CDH4: variants seen among roughly 807,000 people sequenced by gnomAD.
CDH4 encodes the protein cadherin 4.
Under a neutral mutation model 86.0 loss-of-function variants are expected in CDH4, and 33 were observed. The observed-to-expected ratio is 0.38, with a 90% CI of 0.29 to 0.51. CDH4 has a LOEUF of 0.51. CDH4 is among the 20% of genes least tolerant of loss of function. CDH4 has a pLI of 0.86. For missense variants in CDH4, 1,114 were observed against 1,307.4 expected, an observed-to-expected ratio of 0.85 and a Z score of 2.28; for synonymous variants, 555 against 549.4, an observed-to-expected ratio of 1.01 and a Z score of -0.14.
Position 61,663,263 on chromosome 20 carries a change from G to A in CDH4, c.170-80300G>A, listed in dbSNP as rs1249481370. On this transcript the variant is annotated intron_variant, in intron 2 of 15. Coordinates refer to ENST00000614565, the MANE Select transcript of CDH4 (RefSeq NM_001794.5). This position sits in a 1 kb window ranked among gnomAD's most constrained non-coding sequence, Gnocchi z 5.0. Reference sequence around the variant, plus strand: ...GAGGAGCTTTCATCGAGGGCTTGGCGCCCACGACAAATGAGTCCACGCAGG... The same window carrying A: ...GAGGAGCTTTCATCGAGGGCTTGGCACCCACGACAAATGAGTCCACGCAGG... Among the ~76,000 whole-genome samples the A allele has an allele frequency of 5.3e-5, 8 of 152,178 alleles. No homozygotes were observed. Among genetic ancestry groups the A allele is most frequent in the African/African-American group, 1.7e-4 (7 of 41,426 alleles).
intron 2 of CDH4, among the ~76,000 whole-genome samples, chr20:61,378,193 G>GC: frequency 6.6e-6 from 1 of 152,216 alleles, no homozygotes; most frequent in Non-Finnish European, 1.5e-5. Context: ...GGTTGAGTCT[G>GC]CAGTGAGCCA....
At position 61,754,610 on chromosome 20, in the gene CDH4, C is replaced by T. The variant is rs574474935; in HGVS notation, c.396+10821C>T. 3.9e-3 allele frequency among the ~76,000 whole-genome samples: 561 copies of T among 142,668 alleles called. 2 individuals are homozygous for T. The highest frequency in any genetic ancestry group is 6.6e-3 in the Non-Finnish European group (448 of 67,878). The allele number at this position is 142,668 out of a possible 152,430, so 93.6% of individuals were successfully genotyped here. On this transcript the variant is annotated intron_variant, in intron 3 of 15. Coordinates refer to ENST00000614565, the MANE Select transcript of CDH4 (RefSeq NM_001794.5). The surrounding 1 kb of genome is among the most constrained non-coding windows in gnomAD (Gnocchi z 4.7). ...CACACTGCCCGGAACACCACACACA[C>T]GGTGCACGGCACACACACCACACAC... is the stretch of plus-strand genomic sequence containing the variant.
intron 2 of CDH4, among the ~76,000 whole-genome samples, chr20:61,500,007 CTAT>C (rs573097640): frequency 7.0e-4 from 106 of 152,238 alleles, no homozygotes; most frequent in African/African-American, 2.0e-3. Flanking sequence ...GCCATGAGAA[CTAT>C]TATTATTAGT....
chr20:61,885,410 G>T (rs954021044), intron 7 of CDH4, among the ~76,000 whole-genome samples: 1 of 152,134 alleles, frequency 6.6e-6, no homozygotes, highest in Non-Finnish European at 1.5e-5. Context: ...CATGCATGGC[G>T]TTTCGTGTCT....
At chr20:61,553,243 A>G (rs2086148032) in intron 2 of CDH4, among the ~76,000 whole-genome samples, 1 of 152,244 alleles carries the variant, frequency 6.6e-6, no homozygotes, top group Admixed American at 6.5e-5. Context: ...AAATCTGCAG[A>G]AACAGAAAGT....
At chr20:61,265,146 TA>T (rs2084150506) in intron 2 of CDH4, among the ~76,000 whole-genome samples, 1 of 145,434 alleles carries the variant, frequency 6.9e-6, no homozygotes, top group African/African-American at 2.6e-5. Context: ...GTCCTACACA[TA>T]ACTCAGTGGT....
At chr20:61,588,433 C>G (rs2086494343) in intron 2 of CDH4, among the ~76,000 whole-genome samples, 1 of 152,174 alleles carries the variant, frequency 6.6e-6, no homozygotes, top group African/African-American at 2.4e-5. Context: ...TACCAAGGAC[C>G]AGCTCTAGGC....
rs571926050 is a variant in CDH4, at chr20:61,936,964, C to T, written c.*21C>T. On this transcript the variant is annotated 3_prime_UTR_variant, in exon 16 of 16. Transcript: ENST00000614565. ...ATTGACTGACCTCGCATCTTCGGACCGAAGTGAGAGCCGTGCTCGGACGCC... is the reference window on the plus strand; with the variant it reads ...ATTGACTGACCTCGCATCTTCGGACTGAAGTGAGAGCCGTGCTCGGACGCC... The T allele has an allele frequency of 6.5e-5, 100 of 1,541,862 alleles. No individual in the cohort carries two copies. The highest frequency in any genetic ancestry group is 1.1e-4 in the African/African-American group (8 of 72,704).
chr20:61,363,119 G>T (rs1487363317), intron 2 of CDH4, among the ~76,000 whole-genome samples: 1 of 152,162 alleles, frequency 6.6e-6, no homozygotes, highest in Non-Finnish European at 1.5e-5. Flanking sequence ...CCTTAGAATT[G>T]TGTCTGGGTT....
chr20:61,448,497 T>A (rs1568848967), intron 2 of CDH4, among the ~76,000 whole-genome samples: 1 of 152,210 alleles, frequency 6.6e-6, no homozygotes, highest in Non-Finnish European at 1.5e-5. Flanking sequence ...TGTGTTTTTT[T>A]ATTTCCATTT....
chr20:61,310,988 ACAGGTCAGCC>A (rs991488272), intron 2 of CDH4, among the ~76,000 whole-genome samples: 12 of 152,168 alleles, frequency 7.9e-5, no homozygotes, highest in Admixed American at 2.6e-4. Flanking sequence ...TGACGGGGAC[ACAGGTCAGCC>A]CTAACGCTTC....
intron 7 of CDH4, among the ~76,000 whole-genome samples, chr20:61,881,500 T>A (rs902877712): frequency 2.6e-5 from 4 of 152,246 alleles, no homozygotes; most frequent in African/African-American, 9.6e-5. Flanking sequence ...CGGCCCCACC[T>A]GGCAGCAGCG....
At chr20:61,407,838 C>T (rs111871510) in intron 2 of CDH4, among the ~76,000 whole-genome samples, 40 of 152,160 alleles carry the variant, frequency 2.6e-4, no homozygotes, top group African/African-American at 7.5e-4. Flanking sequence ...TTACATGGAG[C>T]GAAGGAAGCC....
chr20:61,431,077 G>C (rs2085243607), intron 2 of CDH4, among the ~76,000 whole-genome samples: 1 of 152,180 alleles, frequency 6.6e-6, no homozygotes, highest in Admixed American at 6.5e-5. Context: ...TAGCATGCTG[G>C]CTCTGTGTAT....
intron 4 of CDH4, among the ~76,000 whole-genome samples, chr20:61,798,800 T>C (rs1449384636): frequency 6.6e-6 from 1 of 152,208 alleles, no homozygotes; most frequent in African/African-American, 2.4e-5. Flanking sequence ...TCTGGCAGGA[T>C]GGCGGCTGTG....
rs546683364 is a variant in CDH4, at chr20:61,621,309, C to T, written c.170-122254C>T. ...TCAAGATCTGTTTGACATTCTGTAA[C>T]TCTTTCTCCAACAACAGCCTGTCTC... is the stretch of plus-strand genomic sequence containing the variant. On this transcript the variant is annotated intron_variant, in intron 2 of 15. Coordinates refer to ENST00000614565, the MANE Select transcript of CDH4 (RefSeq NM_001794.5). Among the ~76,000 whole-genome samples the T allele has an allele frequency of 2.0e-5, 3 of 152,336 alleles. No individual in the cohort carries two copies. In the East Asian group the frequency reaches 5.8e-4, roughly 29 times the overall value.
chr20:61,468,128 G>A (rs373820367), intron 2 of CDH4, among the ~76,000 whole-genome samples: 1 of 152,178 alleles, frequency 6.6e-6, no homozygotes, highest in African/African-American at 2.4e-5. Context: ...ATCACCTAGG[G>A]GTGATTGATT....
At chr20:61,547,224 G>C (rs2427163) in intron 2 of CDH4, among the ~76,000 whole-genome samples, 5,197 of 62,402 alleles carry the variant, frequency 0.083, 331 homozygotes, top group Admixed American at 0.11. Context: ...TTTTTTTTTT[G>C]CCCCCTGAGA....
At chr20:61,588,108 G>T (rs141372187) in intron 2 of CDH4, among the ~76,000 whole-genome samples, 2,940 of 152,290 alleles carry the variant, frequency 0.019, 36 homozygotes, top group Non-Finnish European at 0.03. Context: ...AGAAGCCAGC[G>T]TGCAGAGACT....
Sources: gnomAD v4.1 joint callset for allele counts (sites outside exome capture counted in the v4.1 genomes callset) on GRCh38, gnomAD v4.1.1 for gene constraint, Gnocchi (gnomAD v3.1) non-coding constraint, MANE v1.5 for transcripts, NCBI Gene and HGNC (gene_info 2026-07-23, HGNC 2026-07-21) for gene names.